STX7: variants seen among roughly 807,000 people sequenced by gnomAD.
STX7 encodes syntaxin 7.
STX7 carries 34 observed loss-of-function variants against 39.6 expected under a neutral mutation model. That is an observed-to-expected ratio of 0.86 (90% CI 0.65 to 1.14). The LOEUF is 1.14. STX7 is among the 50% of genes most tolerant of loss of function. STX7 has a pLI of 0.00. For synonymous variants in STX7, 119 were observed against 99.1 expected (o/e 1.20, Z -1.19); for missense variants, 284 against 310.4 (o/e 0.92, Z 0.64).
chr6:132,495,779 A>C (rs80027928), intron 2 of STX7, among the ~76,000 whole-genome samples: 116 of 152,340 alleles, frequency 7.6e-4, no homozygotes, highest in South Asian at 1.7e-3. Flanking sequence ...AAAAGGGCTC[A>C]CACTTTTACA....
rs1039878219 is a variant in STX7, at chr6:132,454,115, T to C, written c.*6643A>G. The C allele has an allele frequency of 3.0e-4, 46 of 151,476 alleles. No homozygotes were observed. The highest frequency in any genetic ancestry group is 2.9e-3 in the Admixed American group (44 of 15,190). 9.4% of individuals were successfully genotyped at this position (151,476 alleles called of 1,614,324 possible). A position where few individuals can be genotyped will look rare whatever the true frequency, so the allele number is the denominator to read the frequency against. Reference sequence around the variant, plus strand: ...AAAAAGTACCTGTCAATAGACTTGATACACATAATAAGCTGGATTAACCTC... The same window carrying C: ...AAAAAGTACCTGTCAATAGACTTGACACACATAATAAGCTGGATTAACCTC... On this transcript the variant is annotated 3_prime_UTR_variant, in exon 10 of 10. Coordinates refer to ENST00000367941, the MANE Select transcript of STX7 (RefSeq NM_003569.3).
At chr6:132,509,065 A>C (rs1160346857) in intron 1 of STX7, among the ~76,000 whole-genome samples, 3 of 152,146 alleles carry the variant, frequency 2.0e-5, no homozygotes, top group Non-Finnish European at 4.4e-5. Context: ...TAAGCAAAGG[A>C]GCAAATATTT....
At position 132,479,509 on chromosome 6, in the gene STX7, T is replaced by C. The variant is rs1334058322; in HGVS notation, c.86-3847A>G. 1.3e-5 allele frequency among the ~76,000 whole-genome samples: 2 copies of C among 152,234 alleles called. 1 individual carries two copies. Among genetic ancestry groups the C allele is most frequent in the Non-Finnish European group, 2.9e-5 (2 of 68,036 alleles). On this transcript the variant is annotated intron_variant, in intron 2 of 9. Coordinates refer to ENST00000367941, the MANE Select transcript of STX7 (RefSeq NM_003569.3). ...ATGGTACAAGGTAACCAAGTGACTC[T>C]AGCTGTTCACCATGAATTGTATCTT... is the stretch of plus-strand genomic sequence containing the variant.
rs1187827167 is a variant in STX7, at chr6:132,450,580, C to A, written c.*10178G>T. 1 of 151,462 alleles carries A rather than the reference C, an allele frequency of 6.6e-6. No homozygotes were observed. Among genetic ancestry groups the A allele is most frequent in the Non-Finnish European group, 1.5e-5 (1 of 67,936 alleles). The allele number at this position is 151,462 out of a possible 1,614,324, so 9.4% of individuals were successfully genotyped here. A position where few individuals can be genotyped will look rare whatever the true frequency, so the allele number is the denominator to read the frequency against. On this transcript the variant is annotated 3_prime_UTR_variant, in exon 10 of 10. Coordinates refer to ENST00000367941, the MANE Select transcript of STX7 (RefSeq NM_003569.3). The stretch of plus-strand genomic sequence containing the variant: ...ATAGGTTTATACTCCAGGGGTCAAC[C>A]AACATTTTCGGTAAAGGGCCAGAAA...
In STX7 at chr6:132,460,564, T is replaced by C. The variant is rs1276937326; in HGVS notation, c.*194A>G. On this transcript the variant is annotated 3_prime_UTR_variant, in exon 10 of 10. Coordinates refer to ENST00000367941, the MANE Select transcript of STX7 (RefSeq NM_003569.3). The stretch of plus-strand genomic sequence containing the variant: ...AGGGAGTTATGTCAGCAGTGACATT[T>C]AGAAAATCTTTCAGTATTAGAAAAT... The C allele has an allele frequency of 2.4e-6, 1 of 420,954 alleles. No individual in the cohort carries two copies. The highest frequency in any genetic ancestry group is 4.2e-6 in the Non-Finnish European group (1 of 239,822). 26.1% of individuals were successfully genotyped at this position (420,954 alleles called of 1,614,324 possible). A position where few individuals can be genotyped will look rare whatever the true frequency, so the allele number is the denominator to read the frequency against.
intron 2 of STX7, among the ~76,000 whole-genome samples, chr6:132,478,426 G>A (rs1312865232): frequency 2.0e-5 from 3 of 152,062 alleles, no homozygotes; most frequent in Non-Finnish European, 4.4e-5. Context: ...CAGATATACT[G>A]AGCAACCCCC....
intron 2 of STX7, among the ~76,000 whole-genome samples, chr6:132,488,694 T>A (rs1775201616): frequency 6.6e-6 from 1 of 152,186 alleles, no homozygotes; most frequent in Non-Finnish European, 1.5e-5. Flanking sequence ...AAATATCAAT[T>A]GACAAAAGAT....
At chr6:132,466,297 C>T (rs1774562096) in intron 8 of STX7, among the ~76,000 whole-genome samples, 3 of 152,176 alleles carry the variant, frequency 2.0e-5, no homozygotes, top group African/African-American at 7.2e-5. Flanking sequence ...CACTTCCCTT[C>T]TAGGACGATG....
chr6:132,490,566 A>C lies in STX7; in HGVS notation c.85+12880T>G, dbSNP rs922138365. Among the ~76,000 whole-genome samples the C allele has an allele frequency of 3.3e-5, 5 of 152,310 alleles. No homozygotes were observed. In the South Asian group the frequency reaches 1.0e-3, roughly 32 times the overall value. On this transcript the variant is annotated intron_variant, in intron 2 of 9. Transcript: ENST00000367941. ...TGTGTAAATATGACCAAATTCTCAAAAACGTGTACATACGGCCAAAAGCAA... is the reference window on the plus strand; with the variant it reads ...TGTGTAAATATGACCAAATTCTCAACAACGTGTACATACGGCCAAAAGCAA...
rs1250369084 is a variant in STX7, at chr6:132,457,926, T to C, written c.*2832A>G. 2.0e-5 allele frequency: 3 copies of C among 152,242 alleles called. No homozygotes were observed. The highest frequency in any genetic ancestry group is 2.9e-5 in the Non-Finnish European group (2 of 68,040). The allele number at this position is 152,242 out of a possible 1,614,324, so 9.4% of individuals were successfully genotyped here. A position where few individuals can be genotyped will look rare whatever the true frequency, so the allele number is the denominator to read the frequency against. On this transcript the variant is annotated 3_prime_UTR_variant, in exon 10 of 10. Transcript: ENST00000367941. ...AGGTGGACAATGACTTTATTTTCTT[T>C]ACGTAAGTTTTATATTTTATTATGA...
At chr6:132,472,561 T>C (rs1473285677) in intron 3 of STX7, among the ~76,000 whole-genome samples, 186 bp from the exon 4 acceptor site, 3 of 152,238 alleles carry the variant, frequency 2.0e-5, no homozygotes, top group African/African-American at 7.2e-5. Flanking sequence ...GCAAATATTA[T>C]ATGTCAGGTT....
In STX7 at chr6:132,488,860, G is replaced by A. The variant is rs187528603; in HGVS notation, c.86-13198C>T. 8.8e-4 allele frequency among the ~76,000 whole-genome samples: 134 copies of A among 152,074 alleles called. 1 individual carries two copies. Among genetic ancestry groups the A allele is most frequent in the Middle Eastern group, 3.4e-3 (1 of 294 alleles). ...CTGTTTTAGACTCCAATCTTTCCTCGTCTATCAAACCCTCTAGCTTTGTTA... is the reference window on the plus strand; with the variant it reads ...CTGTTTTAGACTCCAATCTTTCCTCATCTATCAAACCCTCTAGCTTTGTTA... On this transcript the variant is annotated intron_variant, in intron 2 of 9. Coordinates refer to ENST00000367941, the MANE Select transcript of STX7 (RefSeq NM_003569.3).
At chr6:132,507,243 C>G (rs189657551) in intron 1 of STX7, among the ~76,000 whole-genome samples, 11 of 152,252 alleles carry the variant, frequency 7.2e-5, no homozygotes, top group Admixed American at 5.9e-4. Flanking sequence ...TCACGCTATG[C>G]AATATAACCA....
intron 4 of STX7, among the ~76,000 whole-genome samples, chr6:132,471,986 C>G (rs1304618122): frequency 1.3e-5 from 2 of 152,144 alleles, no homozygotes; most frequent in Non-Finnish European, 2.9e-5. Context: ...CCTGCATGTT[C>G]CACGCAGTCA....
chr6:132,480,339 G>A (rs1035086003), intron 2 of STX7, among the ~76,000 whole-genome samples: 3 of 152,104 alleles, frequency 2.0e-5, no homozygotes, highest in Non-Finnish European at 4.4e-5. Context: ...GATCCTTATG[G>A]TCTCAAAGAA....
chr6:132,494,698 T>G (rs1019886107), intron 2 of STX7, among the ~76,000 whole-genome samples: 2 of 152,130 alleles, frequency 1.3e-5, no homozygotes, highest in Admixed American at 1.3e-4. Flanking sequence ...GAGAGAGTGG[T>G]AGTTGACAAG....
At chr6:132,492,289 A>G (rs7745417) in intron 2 of STX7, among the ~76,000 whole-genome samples, 3,561 of 152,234 alleles carry the variant, frequency 0.023, 129 homozygotes, top group African/African-American at 0.08. Flanking sequence ...GGTCCATCCC[A>G]ACTCCCCGTG....
In STX7 at chr6:132,453,938, C is replaced by A. The variant is rs971346602; in HGVS notation, c.*6820G>T. The A allele has an allele frequency of 2.6e-5, 4 of 151,882 alleles. No homozygotes were observed. The highest frequency in any genetic ancestry group is 5.9e-5 in the Non-Finnish European group (4 of 67,936). The allele number at this position is 151,882 out of a possible 1,614,324, so 9.4% of individuals were successfully genotyped here. On this transcript the variant is annotated 3_prime_UTR_variant, in exon 10 of 10. Transcript: ENST00000367941. ...ACTATATAACTGCTGGGCATTTGAC[C>A]CAGAAAACTAGATTATGTTCACACA...
chr6:132,509,907 G>C (rs1775805131), intron 1 of STX7, among the ~76,000 whole-genome samples: 1 of 152,182 alleles, frequency 6.6e-6, no homozygotes, highest in South Asian at 2.1e-4. Context: ...ACCTAGCCCA[G>C]AGCTGCTACG....
Sources: allele counts gnomAD v4.1 joint callset (sites outside exome capture counted in the v4.1 genomes callset), GRCh38; gene constraint gnomAD v4.1.1; transcripts MANE v1.5; gene names NCBI Gene and HGNC (gene_info 2026-07-23, HGNC 2026-07-21).